FLYWCH1: variants seen among roughly 807,000 people sequenced by gnomAD.
The protein encoded by FLYWCH1 is FLYWCH-type zinc finger-containing protein 1.
Under a neutral mutation model 66.4 loss-of-function variants are expected in FLYWCH1, and 75 were observed. The ratio of observed to expected loss-of-function variants is 1.13; its 90% CI spans 0.94 to 1.37. The LOEUF (loss-of-function observed/expected upper bound fraction) is 1.37. Among genes scored for constraint, FLYWCH1 ranks in the 40% most tolerant of loss-of-function variants. The pLI is 0.00. For synonymous variants in FLYWCH1, 595 were observed against 429.9 expected (o/e 1.38, Z -4.75); for missense variants, 1,334 against 1,001.8 (o/e 1.33, Z -4.48).
Position 2,929,631 on chromosome 16 carries a change from C to G in FLYWCH1, c.-55C>G, listed in dbSNP as rs1426574063. 27 of 1,551,578 alleles carry G rather than the reference C, an allele frequency of 1.7e-5. No individual in the cohort carries two copies. The highest frequency in any genetic ancestry group is 2.2e-5 in the Non-Finnish European group (25 of 1,148,400). ...TCCTTAGGACGGAACCACTGCACTC[C>G]AGGTTCCTTGCTGGGTGCTGAGCGT... On this transcript the variant is annotated 5_prime_UTR_variant, in exon 3 of 10. Coordinates refer to ENST00000253928, the MANE Select transcript of FLYWCH1 (RefSeq NM_001308068.2).
At position 2,930,577 on chromosome 16, in the gene FLYWCH1, C is replaced by T. The variant is rs369819775; in HGVS notation, c.493C>T (p.Arg165Trp). Residue 165 changes from arginine (R) to tryptophan (W), a missense_variant, in exon 4 of 10, where the codon CGG becomes TGG. By Grantham distance (101) the Arg-to-Trp change is moderately radical. Coordinates refer to ENST00000253928, the MANE Select transcript of FLYWCH1 (RefSeq NM_001308068.2). ...GGGCCGGGCCATCACCCGAGGCCTG[C>T]GGGCCACAGTGATGCGGGGCCACTG... is the stretch of plus-strand genomic sequence containing the variant. ...CRGRAITRGLRATVMRGHCHA... is the reference protein window; with the variant it reads ...CRGRAITRGLWATVMRGHCHA... The T allele has an allele frequency of 2.2e-5, 35 of 1,556,060 alleles. 1 individual carries two copies. In the African/African-American group the frequency reaches 2.3e-4, roughly 10 times the overall value.
chr16:2,946,255 A>C (rs1024018362), intron 9 of FLYWCH1, among the ~76,000 whole-genome samples: 2 of 149,830 alleles, frequency 1.3e-5, no homozygotes, highest in Non-Finnish European at 3.0e-5. Context: ...TCACCCACCC[A>C]CAGCAACTTC....
In FLYWCH1 at chr16:2,948,890, C is replaced by A. The variant is rs1329867507; in HGVS notation, c.*163C>A. On this transcript the variant is annotated 3_prime_UTR_variant, in exon 10 of 10. Transcript: ENST00000253928. ...CTCAGGAGGTCTCCCAGGAGGAATTCTTGGATGGTGTCCTCATGTCGGCGG... is the reference window on the plus strand; with the variant it reads ...CTCAGGAGGTCTCCCAGGAGGAATTATTGGATGGTGTCCTCATGTCGGCGG... 2 of 626,360 alleles carry A rather than the reference C, an allele frequency of 3.2e-6. No individual in the cohort carries two copies. Among genetic ancestry groups the A allele is most frequent in the Non-Finnish European group, 5.6e-6 (2 of 355,002 alleles). 38.8% of individuals were successfully genotyped at this position (626,360 alleles called of 1,614,324 possible).
At position 2,948,708 on chromosome 16, in the gene FLYWCH1, T is replaced by A; in HGVS notation, c.2132T>A (p.Leu711Gln). ...ATTAGGGACATCAAAGACGTCAGAC[T>A]GGATGGCGAGTCCCAGTGAGGCGAT... ...QIYGDIKDVRLDGESQ is the reference protein window; with the variant it reads ...QIYGDIKDVRQDGESQ The change falls in exon 10 of 10, where the codon CTG becomes CAG. Residue 711 changes from leucine to glutamine, a missense_variant. Physicochemically the swap from Leu to Gln is moderately radical, Grantham distance 113. Coordinates refer to ENST00000253928, the MANE Select transcript of FLYWCH1 (RefSeq NM_001308068.2). 1 of 1,613,950 alleles carries A rather than the reference T, an allele frequency of 6.2e-7. No individual in the cohort carries two copies. The highest frequency in any genetic ancestry group is 8.5e-7 in the Non-Finnish European group (1 of 1,179,794).
At chr16:2,912,499 C>T (rs545303365) in intron 1 of FLYWCH1, among the ~76,000 whole-genome samples, 3 of 152,368 alleles carry the variant, frequency 2.0e-5, no homozygotes, top group African/African-American at 7.2e-5. Context: ...AGTGACCTTG[C>T]ACTTTTGCGG....
At chr16:2,934,102 A>C (rs568074006) in intron 6 of FLYWCH1, 123 bp downstream of exon 6, 1 of 1,228,798 alleles carries the variant, frequency 8.1e-7, no homozygotes, top group African/African-American at 1.5e-5. Context: ...AACATCCTAG[A>C]AGGAACTATG....
Position 2,938,368 on chromosome 16 carries a change from C to T in FLYWCH1, c.1962C>T (p.Arg654=), listed in dbSNP as rs1256790346. ...ITQGHRIMVM[R]SHCHQPDLAG... ...AGGGCCACCGCATCATGGTCATGCG[C>T]AGCCACTGCCATCAGCCTGACCTGG... The change falls in exon 8 of 10, where the codon CGC becomes CGT. Residue 654 remains arginine (R), a synonymous_variant. Coordinates refer to ENST00000253928, the MANE Select transcript of FLYWCH1 (RefSeq NM_001308068.2). 2 of 1,586,340 alleles carry T rather than the reference C, an allele frequency of 1.3e-6. No individual in the cohort carries two copies. The highest frequency in any genetic ancestry group is 1.7e-6 in the Non-Finnish European group (2 of 1,164,968).
At position 2,950,292 on chromosome 16, in the gene FLYWCH1, C is replaced by A. The variant is rs903016589; in HGVS notation, c.*1565C>A. 8.5e-5 allele frequency: 13 copies of A among 152,824 alleles called. No individual in the cohort carries two copies. 9.5% of individuals were successfully genotyped at this position (152,824 alleles called of 1,614,324 possible). ...CCTGCCCCGAGGCTGACCTAACTGC[C>A]CCCAGCTGGACTCATGGCCAAGGCT... is the stretch of plus-strand genomic sequence containing the variant. On this transcript the variant is annotated 3_prime_UTR_variant, in exon 10 of 10. Transcript: ENST00000253928.
At chr16:2,946,911 G>A (rs138965434) in intron 9 of FLYWCH1, among the ~76,000 whole-genome samples, 2 of 152,202 alleles carry the variant, frequency 1.3e-5, no homozygotes, top group East Asian at 3.9e-4. Flanking sequence ...GATGCAAAAT[G>A]GCCCAGCCAC....
intron 9 of FLYWCH1, among the ~76,000 whole-genome samples, chr16:2,945,766 G>C (rs1029251443): frequency 1.3e-5 from 2 of 152,142 alleles, no homozygotes; most frequent in African/African-American, 4.8e-5. Flanking sequence ...GGGAGGCCAA[G>C]GTGGGCAGAT....
chr16:2,946,413 C>A (rs1034000487), intron 9 of FLYWCH1, among the ~76,000 whole-genome samples: 3 of 146,758 alleles, frequency 2.0e-5, no homozygotes, highest in Non-Finnish European at 3.0e-5. Flanking sequence ...CCTCCGCCTC[C>A]CAGGTTCAAG....
chr16:2,930,689 C>T lies in FLYWCH1; in HGVS notation c.605C>T (p.Pro202Leu). Residue 202 changes from proline to leucine, a missense_variant, in exon 4 of 10, where the codon CCC (proline) becomes CTC (leucine). Transcript: ENST00000253928. ...GCCCTGCCAGAGGGCTTGGGAGAGC[C>T]CCAGGGTCCTGAGGGCCCTGGAGGC... ...SLALPEGLGE[P>L]QGPEGPGGRV... 2 of 1,544,230 alleles carry T rather than the reference C, an allele frequency of 1.3e-6. No individual in the cohort carries two copies. The highest frequency in any genetic ancestry group is 3.9e-5 in the Admixed American group (2 of 50,714).
chr16:2,936,676 C>A, intron 6 of FLYWCH1: 1 of 461,842 alleles, frequency 2.2e-6, no homozygotes. Flanking sequence ...TCCTCAGAGT[C>A]CTGGGGTCAC....
chr16:2,943,394 C>A (rs910469021), intron 9 of FLYWCH1: 1 of 151,800 alleles, frequency 6.6e-6, no homozygotes, highest in East Asian at 1.9e-4. Flanking sequence ...ATCTTTTCAC[C>A]GTAGTAAATC....
At chr16:2,941,770 C>T (rs1378353208) in intron 9 of FLYWCH1, among the ~76,000 whole-genome samples, 1 of 151,454 alleles carries the variant, frequency 6.6e-6, no homozygotes, top group Non-Finnish European at 1.5e-5. Flanking sequence ...CACCTGTAAT[C>T]CCAGCACACT....
intron 9 of FLYWCH1, among the ~76,000 whole-genome samples, chr16:2,942,022 A>AAAAAAAAAAAAAAAAAAAAAAAAAAAC (rs1567351594): frequency 1.5e-5 from 2 of 135,346 alleles, no homozygotes; most frequent in Non-Finnish European, 1.5e-5. Flanking sequence ...AAAAAAAAAA[A>AAAAAAAAAAAAAAAAAAAAAAAAAAAC]ACTGAAGCAG....
Position 2,933,306 on chromosome 16 carries a change from G to C in FLYWCH1, c.973G>C (p.Val325Leu). 1 of 1,611,326 alleles carries C rather than the reference G, an allele frequency of 6.2e-7. No homozygotes were observed. Among genetic ancestry groups the C allele is most frequent in the Non-Finnish European group, 8.5e-7 (1 of 1,179,182 alleles). Reference protein sequence around the residue: ...RAITQGQRVTVMRGHCHQPDM... With the variant: ...RAITQGQRVTLMRGHCHQPDM... ...CATCACCCAGGGACAGCGGGTGACT[G>C]TGATGCGTGGGCACTGCCACCAGCC... is the stretch of plus-strand genomic sequence containing the variant. Residue 325 changes from valine (V) to leucine (L), a missense_variant, in exon 5 of 10, where the codon GTG becomes CTG. Val to Leu is a conservative substitution (Grantham distance 32). Coordinates refer to ENST00000253928, the MANE Select transcript of FLYWCH1 (RefSeq NM_001308068.2).
rs2071189758 is a variant in FLYWCH1, at chr16:2,939,907, G to C, written c.2051-125G>C. The C allele has an allele frequency of 4.4e-6, 5 of 1,127,716 alleles. No individual in the cohort carries two copies. The East Asian group carries it at 1.1e-4, about 25-fold the overall frequency. 69.9% of individuals were successfully genotyped at this position (1,127,716 alleles called of 1,614,324 possible). On this transcript the variant is annotated intron_variant, in intron 8 of 9. Transcript: ENST00000253928. Reference sequence around the variant, plus strand: ...ATTGATGCGTTGAATTCCCAGCGTTGCTTCACCCGGTTGTCTTTCTCCTCA... The same window carrying C: ...ATTGATGCGTTGAATTCCCAGCGTTCCTTCACCCGGTTGTCTTTCTCCTCA...
intron 6 of FLYWCH1, among the ~76,000 whole-genome samples, chr16:2,934,402 G>C (rs73484945): frequency 6.6e-6 from 1 of 152,126 alleles, no homozygotes; most frequent in Non-Finnish European, 1.5e-5. Flanking sequence ...TTCTCCTCTC[G>C]GCCCGCTGTT....
Sources: allele counts gnomAD v4.1 joint callset (sites outside exome capture counted in the v4.1 genomes callset), GRCh38; gene constraint gnomAD v4.1.1; transcripts MANE v1.5; gene names NCBI Gene and HGNC (gene_info 2026-07-23, HGNC 2026-07-21).